The following COL6A1 variants were observed in gnomAD, a reference collection of about 807,000 sequenced individuals.
COL6A1 encodes collagen alpha-1(VI) chain.
Under a neutral mutation model 145.6 loss-of-function variants are expected in COL6A1, and 80 were observed. The observed-to-expected ratio is 0.55, with a 90% confidence interval of 0.46 to 0.66. The LOEUF (loss-of-function observed/expected upper bound fraction) is 0.66, where lower values mean the gene tolerates loss of function less well. COL6A1 is among the 30% of genes least tolerant of loss of function. The probability of loss-of-function intolerance (pLI) is 0.00; values close to 1 mark genes in which losing one functional copy is unlikely to be tolerated. For missense variants in COL6A1, 1,364 were observed against 1,473.8 expected, an observed-to-expected ratio of 0.93 and a Z score of 1.22; for synonymous variants, 638 against 622.8, an observed-to-expected ratio of 1.02 and a Z score of -0.36.
rs200380846 is a variant in COL6A1, at chr21:45,989,656, C to T, written c.903+4C>T. ...TGTTGGGTACCAGGGAATGAAGGTACGTGCCCCCCCTTTCCTGGCCCGAGC... is the reference window on the plus strand; with the variant it reads ...TGTTGGGTACCAGGGAATGAAGGTATGTGCCCCCCCTTTCCTGGCCCGAGC... On this transcript the variant is annotated splice_donor_region_variant and intron_variant, in intron 10 of 34. Transcript: ENST00000361866. 2.6e-5 allele frequency: 42 copies of T among 1,613,152 alleles called. No homozygotes were observed. The highest frequency in any genetic ancestry group is 2.0e-4 in the East Asian group (9 of 44,868).
rs768846845 is a variant in COL6A1, at chr21:45,984,440, C to T, written c.399C>T (p.Ile133=). 1 of 1,611,822 alleles carries T rather than the reference C, an allele frequency of 6.2e-7. No individual in the cohort carries two copies. Among genetic ancestry groups the T allele is most frequent in the Non-Finnish European group, 8.5e-7 (1 of 1,179,940 alleles). ...FGKGTYTDCA[I]KKGLEQLLVG... is the part of the protein sequence containing the mutation. Reference sequence around the variant, plus strand: ...AGGGCACCTACACCGACTGCGCTATCAAGAAGGGGCTGGAGCAGCTCCTCG... The same window carrying T: ...AGGGCACCTACACCGACTGCGCTATTAAGAAGGGGCTGGAGCAGCTCCTCG... The change falls in exon 3 of 35, where the codon ATC becomes ATT. Residue 133 remains isoleucine (I), a synonymous_variant. Coordinates refer to ENST00000361866, the MANE Select transcript of COL6A1 (RefSeq NM_001848.3).
chr21:46,002,541 C>G lies in COL6A1; in HGVS notation c.2265C>G (p.Gly755=), dbSNP rs776263631. ...TGTCCCCACAGGTGGTCTCCGTGGGCATCAAAGACGTGTTTGACTTCATCC... is the reference window on the plus strand; with the variant it reads ...TGTCCCCACAGGTGGTCTCCGTGGGGATCAAAGACGTGTTTGACTTCATCC... ...CSPGIQVVSV[G]IKDVFDFIPG... is the part of the protein sequence containing the mutation. The change falls in exon 33 of 35, where the codon GGC becomes GGG. Residue 755 remains glycine, a synonymous_variant. Coordinates refer to ENST00000361866, the MANE Select transcript of COL6A1 (RefSeq NM_001848.3). The G allele has an allele frequency of 2.2e-5, 35 of 1,613,918 alleles. No homozygotes were observed.
rs143925936 is a variant in COL6A1, at chr21:46,002,695, G to T, written c.2419G>T (p.Ala807Ser). Reference protein sequence around the residue: ...LEDAFLKNVTAQICIDKKCPD... With the variant: ...LEDAFLKNVTSQICIDKKCPD... ...GGATGCCTTCCTGAAGAATGTCACC[G>T]CCCAGATCTGCATAGGTGCGCATGG... Residue 807 changes from alanine to serine, a missense_variant, in exon 33 of 35, where the codon GCC becomes TCC. This residue lies in a region of COL6A1 where 938 missense variants were observed against 1,003.8 expected (regional missense o/e 0.93). Coordinates refer to ENST00000361866, the MANE Select transcript of COL6A1 (RefSeq NM_001848.3). 6.2e-7 allele frequency: 1 copy of T among 1,613,176 alleles called. No individual in the cohort carries two copies. The highest frequency in any genetic ancestry group is 8.5e-7 in the Non-Finnish European group (1 of 1,179,824).
rs184515573 is a variant in COL6A1 at position 45,984,118 on chromosome 21, C to G, written c.228-151C>G. 1,086 of 811,762 alleles carry G rather than the reference C, an allele frequency of 1.3e-3. 8 individuals carry two copies. The African/African-American group carries it at 0.016, about 12-fold the overall frequency. The allele number at this position is 811,762 out of a possible 1,614,324, so 50.3% of individuals were successfully genotyped here. On this transcript the variant is annotated intron_variant, in intron 2 of 34. Transcript: ENST00000361866. ...CCGCCTGCACAGCCTTCCAGGAGGG[C>G]CGGCCTCAGGGCCACAGGGCAAGTC...
At chr21:45,989,674 G>C (rs1569518126) in intron 10 of COL6A1, 22 bp downstream of exon 10, 1 of 1,613,138 alleles carries the variant, frequency 6.2e-7, no homozygotes, top group Admixed American at 1.7e-5. Context: ...CCCTTTCCTG[G>C]CCCGAGCCCG....
chr21:45,989,324 C>T (rs1042396595), intron 9 of COL6A1, among the ~76,000 whole-genome samples, 187 bp downstream of exon 9: 28 of 152,194 alleles, frequency 1.8e-4, no homozygotes, highest in Admixed American at 1.4e-3. Flanking sequence ...CCAGGCAGCC[C>T]GTAAGCCCCC....
rs374031718 is a variant in COL6A1 at position 46,001,323 on chromosome 21, C to T, written c.1893C>T (p.Phe631=). The change falls in exon 30 of 35, where the codon TTC becomes TTT. Residue 631 remains phenylalanine (F), a synonymous_variant. Coordinates refer to ENST00000361866, the MANE Select transcript of COL6A1 (RefSeq NM_001848.3). Reference sequence around the variant, plus strand: ...CAGAGAGCATTGGCCTGCAGAACTTCGAGATTGCCAAGGACTTCGTCGTCA... The same window carrying T: ...CAGAGAGCATTGGCCTGCAGAACTTTGAGATTGCCAAGGACTTCGTCGTCA... The part of the protein sequence containing the change: ...DSSESIGLQN[F]EIAKDFVVKV... The T allele has an allele frequency of 1.7e-5, 28 of 1,612,826 alleles. No individual in the cohort carries two copies. The African/African-American group carries it at 1.9e-4, about 11-fold the overall frequency.
At chr21:46,002,462 G>A (rs764400440) in intron 32 of COL6A1, 61 bp downstream of exon 32, 1 of 1,613,278 alleles carries the variant, frequency 6.2e-7, no homozygotes, top group South Asian at 1.1e-5. Flanking sequence ...AGCCAGGGTG[G>A]CCTTGTCCCC....
Position 45,999,835 on chromosome 21 carries a change from G to A in COL6A1, c.1776+143G>A, listed in dbSNP as rs567337377. 109 of 781,406 alleles carry A rather than the reference G, an allele frequency of 1.4e-4. 6 individuals are homozygous for A. The East Asian group carries it at 3.6e-3, about 26-fold the overall frequency. The allele number at this position is 781,406 out of a possible 1,614,324, so 48.4% of individuals were successfully genotyped here. A position where few individuals can be genotyped will look rare whatever the true frequency, so the allele number is the denominator to read the frequency against. On this transcript the variant is annotated intron_variant, in intron 27 of 34. Coordinates refer to ENST00000361866, the MANE Select transcript of COL6A1 (RefSeq NM_001848.3). ...ACAAAGAGCTGGTGCCAGGCCCTAG[G>A]GACCCGTGACGGCCATGGGAGGACC...
rs201840412 is a variant in COL6A1 at position 45,999,258 on chromosome 21, C to G, written c.1740+40C>G. Reference sequence around the variant, plus strand: ...CTGGGTGAGGCCACGGTGGGCTGTGCCTGGGACGCCGGATGCTGGGGCTGG... The same window carrying G: ...CTGGGTGAGGCCACGGTGGGCTGTGGCTGGGACGCCGGATGCTGGGGCTGG... On this transcript the variant is annotated intron_variant, in intron 26 of 34. Transcript: ENST00000361866. The G allele has an allele frequency of 3.1e-5, 47 of 1,533,486 alleles. No homozygotes were observed. The East Asian group carries it at 1.1e-3, about 36-fold the overall frequency. 95.0% of individuals were successfully genotyped at this position (1,533,486 alleles called of 1,614,324 possible).
chr21:45,987,010 G>T lies in COL6A1; in HGVS notation c.655G>T (p.Gly219Cys). Reference protein sequence around the residue: ...YRRNFTAADWGQSRDAEEAIS... With the variant: ...YRRNFTAADWCQSRDAEEAIS... ...GCGCAACTTCACGGCGGCTGACTGG[G>T]GCCAGAGCCGCGACGCAGAGGAGGC... is the stretch of plus-strand genomic sequence containing the variant. The change falls in exon 5 of 35, where the codon GGC becomes TGC. Residue 219 changes from glycine to cysteine, a missense_variant. Gly to Cys is a radical substitution (Grantham distance 159). This residue lies in a region of COL6A1 where 414 missense variants were observed against 437.6 expected (regional missense o/e 0.95). Coordinates refer to ENST00000361866, the MANE Select transcript of COL6A1 (RefSeq NM_001848.3). The T allele has an allele frequency of 6.4e-7, 1 of 1,551,320 alleles. No individual in the cohort carries two copies.
At position 45,990,712 on chromosome 21, in the gene COL6A1, T is replaced by G. The variant is rs1980981; in HGVS notation, c.1003-61T>G. On this transcript the variant is annotated intron_variant, in intron 13 of 34. Transcript: ENST00000361866. ...GCATGGAGGGCACCAAGTCTGACAGTTGATTGGCCTCAGTTTACCCACTTG... is the reference window on the plus strand; with the variant it reads ...GCATGGAGGGCACCAAGTCTGACAGGTGATTGGCCTCAGTTTACCCACTTG... The G allele has an allele frequency of 0.99, 1,451,521 of 1,465,988 alleles. 718,622 individuals are homozygous for G. Among genetic ancestry groups the G allele is most frequent in the East Asian group, 1 (44,124 of 44,124 alleles). 90.8% of individuals were successfully genotyped at this position (1,465,988 alleles called of 1,614,324 possible). A position where few individuals can be genotyped will look rare whatever the true frequency, so the allele number is the denominator to read the frequency against.
rs753485651 is a variant in COL6A1, at chr21:46,003,853, G to A, written c.2927G>A (p.Arg976His). The part of the protein sequence containing the change: ...GIEIFVVVVG[R>H]QVNEPHIRVL... ...GAGATCTTCGTGGTGGTCGTGGGCC[G>A]CCAGGTGAATGAGCCCCACATCCGC... is the stretch of plus-strand genomic sequence containing the variant. Residue 976 changes from arginine to histidine, a missense_variant, in exon 35 of 35, where the codon CGC (arginine) becomes CAC (histidine). Transcript: ENST00000361866. 1.8e-5 allele frequency: 29 copies of A among 1,600,426 alleles called. No individual in the cohort carries two copies. The highest frequency in any genetic ancestry group is 1.7e-4 in the Middle Eastern group (1 of 6,038).
chr21:46,001,924 C>A, intron 30 of COL6A1, 37 bp from the exon 31 acceptor site: 1 of 1,576,844 alleles, frequency 6.3e-7, no homozygotes, highest in Non-Finnish European at 8.7e-7. Flanking sequence ...GGACCTGGGG[C>A]AGCACTCGCG....
intron 8 of COL6A1, among the ~76,000 whole-genome samples, chr21:45,988,741 T>G (rs1301397032): frequency 1.3e-5 from 2 of 152,162 alleles, no homozygotes; most frequent in East Asian, 3.9e-4. Flanking sequence ...GATTTCTGGC[T>G]TCTCCTAAAA....
At chr21:45,995,512 G>A (rs996102853) in intron 20 of COL6A1, among the ~76,000 whole-genome samples, 2 of 152,246 alleles carry the variant, frequency 1.3e-5, no homozygotes, top group African/African-American at 4.8e-5. Flanking sequence ...AGCGTTCAGA[G>A]GCCAGGACTT....
At chr21:45,985,722 G>A (rs952023404) in intron 3 of COL6A1, among the ~76,000 whole-genome samples, 3 of 152,210 alleles carry the variant, frequency 2.0e-5, no homozygotes, top group East Asian at 1.9e-4. Flanking sequence ...CAGGCGGTGC[G>A]GGGGGTTTGG....
rs931648555 is a variant in COL6A1, at chr21:45,994,466, G to A, written c.1398+237G>A. On this transcript the variant is annotated intron_variant, in intron 20 of 34. Coordinates refer to ENST00000361866, the MANE Select transcript of COL6A1 (RefSeq NM_001848.3). The surrounding 1 kb of genome is among the most constrained non-coding windows in gnomAD (Gnocchi z 6.8). Reference sequence around the variant, plus strand: ...GCGCCCGGGGGCCTGACGCTGAGACGCTCAGCCCAGGTGGAGAAGCGCTGT... The same window carrying A: ...GCGCCCGGGGGCCTGACGCTGAGACACTCAGCCCAGGTGGAGAAGCGCTGT... Among the ~76,000 whole-genome samples, 8 of 152,120 alleles carry A rather than the reference G, an allele frequency of 5.3e-5. No individual in the cohort carries two copies. The highest frequency in any genetic ancestry group is 1.0e-4 in the Non-Finnish European group (7 of 67,992).
At position 45,984,907 on chromosome 21, in the gene COL6A1, GACAGAGACAGAGACAGACAA is replaced by G. The variant is rs777249857; in HGVS notation, c.428+452_428+471del. Among the ~76,000 whole-genome samples, 272 of 138,734 alleles carry G rather than the reference GACAGAGACAGAGACAGACAA, an allele frequency of 2.0e-3. 2 individuals carry two copies. The highest frequency in any genetic ancestry group is 2.7e-3 in the Non-Finnish European group (180 of 67,730). 91.0% of individuals were successfully genotyped at this position (138,734 alleles called of 152,430 possible). A position where few individuals can be genotyped will look rare whatever the true frequency, so the allele number is the denominator to read the frequency against. ...AGAGACAGGCAGAGAGAGACAGAGA[GACAGAGACAGAGACAGACAA>G]ACAGAGACAGAGAGACAGAAACAGG... On this transcript the variant is annotated intron_variant, in intron 3 of 34. Transcript: ENST00000361866.
Sources: allele counts gnomAD v4.1 joint callset (sites outside exome capture counted in the v4.1 genomes callset), GRCh38; gene constraint gnomAD v4.1.1; regional missense constraint gnomAD v4.1.1; non-coding constraint Gnocchi (gnomAD v3.1); transcripts MANE v1.5; gene names NCBI Gene and HGNC (gene_info 2026-07-23, HGNC 2026-07-21).